CDCA3: variants seen among roughly 807,000 people sequenced by gnomAD.
The protein encoded by CDCA3 is cell division cycle associated 3.
A neutral mutation model predicts 29.1 loss-of-function variants in CDCA3; 16 were observed. That is an observed-to-expected ratio of 0.55 (90% CI 0.37 to 0.83). The LOEUF (loss-of-function observed/expected upper bound fraction) is 0.83. CDCA3 is among the 40% of genes least tolerant of loss of function. CDCA3 has a pLI of 0.00. For synonymous variants in CDCA3, 88 were observed against 124.5 expected, an observed-to-expected ratio of 0.71 and a Z score of 1.95; for missense variants, 291 against 327.2, an observed-to-expected ratio of 0.89 and a Z score of 0.85.
downstream of CDCA3, chr12:6,845,797 G>A (rs144342814): frequency 2.4e-5 from 38 of 1,611,460 alleles, no homozygotes; most frequent in Admixed American, 3.3e-5. Context: ...AAGTCTGAGC[G>A]TGTGGGTAAG....
downstream of CDCA3, chr12:6,845,860 C>A (rs1943685737): frequency 1.6e-6 from 2 of 1,214,512 alleles, no homozygotes; most frequent in Non-Finnish European, 1.2e-6. Context: ...CCAGCCCTCC[C>A]TCCCCATTCT....
At chr12:6,845,707 C>G, downstream of CDCA3, 1 of 1,614,070 alleles carries the variant, frequency 6.2e-7, no homozygotes, top group Non-Finnish European at 8.5e-7. Context: ...TGCGGCATCA[C>G]GTCCGTGGCC....
rs376580038 is a variant in CDCA3, at chr12:6,850,433, A to G, written c.250+34T>C. The stretch of plus-strand genomic sequence containing the variant: ...ACCCTACCCAAGAATAATAGATGAC[A>G]GCTTCATCAGCATTCCCTGGGCCCA... On this transcript the variant is annotated intron_variant, in intron 3 of 5. Coordinates refer to ENST00000538862, the MANE Select transcript of CDCA3 (RefSeq NM_031299.7). The surrounding 1 kb of genome is among the most constrained non-coding windows in gnomAD (Gnocchi z 4.7). 131 of 1,613,182 alleles carry G rather than the reference A, an allele frequency of 8.1e-5. No homozygotes were observed. Among genetic ancestry groups the G allele is most frequent in the Admixed American group, 4.7e-4 (28 of 59,966 alleles).
downstream of CDCA3, chr12:6,848,777 C>G (rs1202538059): frequency 6.6e-6 from 3 of 457,272 alleles, no homozygotes; most frequent in Non-Finnish European, 1.2e-5. Context: ...GGAACGCAAG[C>G]TCTCTAGGCC....
Position 6,849,500 on chromosome 12 carries a change from C to G in CDCA3, c.544+65G>C. 6.4e-7 allele frequency: 1 copy of G among 1,564,720 alleles called. No homozygotes were observed. Among genetic ancestry groups the G allele is most frequent in the Non-Finnish European group, 8.7e-7 (1 of 1,153,164 alleles). On this transcript the variant is annotated intron_variant, in intron 4 of 5. Coordinates refer to ENST00000538862, the MANE Select transcript of CDCA3 (RefSeq NM_031299.7). This position sits in a 1 kb window ranked among gnomAD's most constrained non-coding sequence, Gnocchi z 5.2. ...ACAGTTTATTCCTCCCACACTCACCCATGGACCTTATCCCAAAACATTATC... is the reference window on the plus strand; with the variant it reads ...ACAGTTTATTCCTCCCACACTCACCGATGGACCTTATCCCAAAACATTATC...
downstream of CDCA3, chr12:6,846,309 T>G (rs1943695636): frequency 5.9e-6 from 1 of 168,570 alleles, no homozygotes; most frequent in Admixed American, 5.9e-5. Context: ...CTAATTCTGT[T>G]GCTCACTTTC....
At chr12:6,846,965 C>A, downstream of CDCA3, 1 of 869,512 alleles carries the variant, frequency 1.2e-6, no homozygotes, top group Non-Finnish European at 1.9e-6. Flanking sequence ...GACCCCATCT[C>A]ATTCAGGTGT....
In CDCA3 at chr12:6,849,753, G is replaced by A; in HGVS notation, c.356C>T (p.Ser119Phe). Residue 119 changes from serine (S) to phenylalanine (F), a missense_variant, in exon 4 of 6, where the codon TCT (serine) becomes TTT (phenylalanine). Ser to Phe is a radical substitution (Grantham distance 155). Transcript: ENST00000538862. This position sits in a 1 kb window ranked among gnomAD's most constrained non-coding sequence, Gnocchi z 5.2. ...EPVLPPEAPL[S>F]SELDLPLGTQ... ...ACCCAGAGGCAAGTCCAATTCAGAA[G>A]ATAAAGGTGCCTCTGGGGGCAGAAC... 2.5e-6 allele frequency: 4 copies of A among 1,612,628 alleles called. No homozygotes were observed. Among genetic ancestry groups the A allele is most frequent in the East Asian group, 4.5e-5 (2 of 44,864 alleles).
At chr12:6,851,170 C>G in intron 1 of CDCA3, 52 bp downstream of exon 1, 1 of 1,376,420 alleles carries the variant, frequency 7.3e-7, no homozygotes, top group Non-Finnish European at 9.4e-7. Flanking sequence ...ATGGCTCGTT[C>G]TGGGCCTGCT....
chr12:6,849,486 C>T lies in CDCA3; in HGVS notation c.545-57G>A. ...CAAAACTAGGACTTACAGTTTATTC[C>T]TCCCACACTCACCCATGGACCTTAT... On this transcript the variant is annotated intron_variant, in intron 4 of 5. Coordinates refer to ENST00000538862, the MANE Select transcript of CDCA3 (RefSeq NM_031299.7). This position sits in a 1 kb window ranked among gnomAD's most constrained non-coding sequence, Gnocchi z 5.2. The T allele has an allele frequency of 1.9e-6, 3 of 1,556,560 alleles. No individual in the cohort carries two copies. The highest frequency in any genetic ancestry group is 2.6e-6 in the Non-Finnish European group (3 of 1,149,206).
chr12:6,851,230 A>G lies in CDCA3; in HGVS notation c.-66T>C, dbSNP rs1943876592. 2.4e-6 allele frequency: 3 copies of G among 1,234,078 alleles called. No homozygotes were observed. The African/African-American group carries it at 4.7e-5, about 19-fold the overall frequency. The allele number at this position is 1,234,078 out of a possible 1,614,324, so 76.4% of individuals were successfully genotyped here. A position where few individuals can be genotyped will look rare whatever the true frequency, so the allele number is the denominator to read the frequency against. ...TTATTCAAATCACTTACCGGGCCCC[A>G]ATTCCACCTCTGGATGCACAACAGC... On this transcript the variant is annotated 5_prime_UTR_variant, in exon 1 of 6. Transcript: ENST00000538862.
In CDCA3 at chr12:6,849,760, G is replaced by T. The variant is rs1555125846; in HGVS notation, c.349C>A (p.Pro117Thr). Reference sequence around the variant, plus strand: ...GGCAAGTCCAATTCAGAAGATAAAGGTGCCTCTGGGGGCAGAACAGGCTCT... The same window carrying T: ...GGCAAGTCCAATTCAGAAGATAAAGTTGCCTCTGGGGGCAGAACAGGCTCT... Reference protein sequence around the residue: ...PPEPVLPPEAPLSSELDLPLG... With the variant: ...PPEPVLPPEATLSSELDLPLG... The change falls in exon 4 of 6, where the codon CCT (proline) becomes ACT (threonine). Residue 117 changes from proline (P) to threonine (T), a missense_variant. Transcript: ENST00000538862. This position sits in a 1 kb window ranked among gnomAD's most constrained non-coding sequence, Gnocchi z 5.2. 1.2e-6 allele frequency: 2 copies of T among 1,612,096 alleles called. No homozygotes were observed. Among genetic ancestry groups the T allele is most frequent in the Non-Finnish European group, 1.7e-6 (2 of 1,178,622 alleles).
Position 6,850,229 on chromosome 12 carries a change from G to C in CDCA3, c.250+238C>G. 1 of 548,120 alleles carries C rather than the reference G, an allele frequency of 1.8e-6. No individual in the cohort carries two copies. The highest frequency in any genetic ancestry group is 3.3e-6 in the Non-Finnish European group (1 of 306,780). The allele number at this position is 548,120 out of a possible 1,614,324, so 34.0% of individuals were successfully genotyped here. ...GATGGGGTTTTGCCATGTTGCCTAG[G>C]CTGGTCTTGAACTCCTGGGCTCAAG... On this transcript the variant is annotated intron_variant, in intron 3 of 5. Transcript: ENST00000538862. The surrounding 1 kb of genome is among the most constrained non-coding windows in gnomAD (Gnocchi z 4.7).
Position 6,849,946 on chromosome 12 carries a change from C to G in CDCA3, c.251-88G>C. The G allele has an allele frequency of 1.7e-6, 2 of 1,210,104 alleles. No homozygotes were observed. Among genetic ancestry groups the G allele is most frequent in the Non-Finnish European group, 2.2e-6 (2 of 891,166 alleles). The allele number at this position is 1,210,104 out of a possible 1,614,324, so 75.0% of individuals were successfully genotyped here. A position where few individuals can be genotyped will look rare whatever the true frequency, so the allele number is the denominator to read the frequency against. On this transcript the variant is annotated intron_variant, in intron 3 of 5. Transcript: ENST00000538862. The surrounding 1 kb of genome is among the most constrained non-coding windows in gnomAD (Gnocchi z 5.2). ...ACATACAGAAACCCAGGACTCATGCCCAGGAGGGTGAGCAAGTGGGAAGAG... is the reference window on the plus strand; with the variant it reads ...ACATACAGAAACCCAGGACTCATGCGCAGGAGGGTGAGCAAGTGGGAAGAG...
At chr12:6,844,903 C>G (rs1555124225), downstream of CDCA3, 1 of 152,210 alleles carries the variant, frequency 6.6e-6, no homozygotes, top group African/African-American at 2.4e-5. Context: ...GTAGCATAAT[C>G]ACTGTATGAT....
downstream of CDCA3, chr12:6,845,665 A>G (rs1555124488): frequency 6.2e-7 from 1 of 1,613,830 alleles, no homozygotes; most frequent in East Asian, 2.2e-5. Context: ...GCAGACCAGG[A>G]GCTGATCTGC....
At position 6,850,281 on chromosome 12, in the gene CDCA3, G is replaced by T; in HGVS notation, c.250+186C>A. 2 of 748,864 alleles carry T rather than the reference G, an allele frequency of 2.7e-6. No homozygotes were observed. The highest frequency in any genetic ancestry group is 2.6e-5 in the Admixed American group (1 of 38,126). 46.4% of individuals were successfully genotyped at this position (748,864 alleles called of 1,614,324 possible). On this transcript the variant is annotated intron_variant, in intron 3 of 5. Transcript: ENST00000538862. This position sits in a 1 kb window ranked among gnomAD's most constrained non-coding sequence, Gnocchi z 4.7. ...GATCTGACCACCCCGGCCTTCCAAC[G>T]TGCTGGGATTACAGGCATGAGCCAC...
At chr12:6,846,656 C>T, downstream of CDCA3, 1 of 624,350 alleles carries the variant, frequency 1.6e-6, no homozygotes, top group South Asian at 1.8e-5. Flanking sequence ...CACATGCATA[C>T]ACATGCACAC....
chr12:6,845,877 C>T (rs1323588431), downstream of CDCA3: 2 of 990,306 alleles, frequency 2.0e-6, no homozygotes, highest in African/African-American at 1.6e-5. Context: ...TTCTGTACCC[C>T]CCATCAGCTC....
Sources: gnomAD v4.1 joint callset for allele counts on GRCh38, gnomAD v4.1.1 for gene constraint, Gnocchi (gnomAD v3.1) non-coding constraint, MANE v1.5 for transcripts, NCBI Gene and HGNC (gene_info 2026-07-23, HGNC 2026-07-21) for gene names.